Variants in VWA8 observed in about 807,000 individuals in gnomAD.
VWA8 encodes the protein von Willebrand factor A domain containing 8.
Under a neutral mutation model 241.5 loss-of-function variants are expected in VWA8, and 221 were observed. That is an observed-to-expected ratio of 0.91 (90% confidence interval 0.82 to 1.02). The LOEUF (loss-of-function observed/expected upper bound fraction) is 1.02. Ranked by LOEUF, VWA8 falls within the 50% of genes least tolerant of loss-of-function variation. The probability of loss-of-function intolerance (pLI) is 0.00; values close to 1 mark genes in which losing one functional copy is unlikely to be tolerated. For synonymous variants in VWA8, 852 were observed against 827.1 expected (o/e 1.03, Z -0.52); for missense variants, 2,322 against 2,328.7 (o/e 1.00, Z 0.06).
intron 2 of VWA8, among the ~76,000 whole-genome samples, chr13:41,938,162 CAA>C (rs530867788): frequency 1.9e-4 from 19 of 98,076 alleles, no homozygotes; most frequent in Admixed American, 2.1e-4. Context: ...TGGTCTCTTT[CAA>C]AAAAAAAAAA....
At chr13:41,951,593 A>G (rs1223183706) in intron 1 of VWA8, among the ~76,000 whole-genome samples, 2 of 152,222 alleles carry the variant, frequency 1.3e-5, no homozygotes, top group African/African-American at 4.8e-5. Flanking sequence ...TCTAACAGCA[A>G]AATAGGCATG....
At chr13:41,615,510 C>G (rs568684894) in intron 37 of VWA8, among the ~76,000 whole-genome samples, 3 of 152,130 alleles carry the variant, frequency 2.0e-5, no homozygotes, top group African/African-American at 7.2e-5. Context: ...ATTCTGTTTT[C>G]AAAGAAATCC....
intron 37 of VWA8, among the ~76,000 whole-genome samples, chr13:41,615,520 C>T (rs1593651578): frequency 6.6e-6 from 1 of 152,140 alleles, no homozygotes; most frequent in African/African-American, 2.4e-5. Context: ...CAAAGAAATC[C>T]CATTACTCTG....
chr13:41,870,767 G>A (rs556835216), intron 9 of VWA8, among the ~76,000 whole-genome samples: 94 of 152,164 alleles, frequency 6.2e-4, no homozygotes, highest in African/African-American at 2.0e-3. Context: ...CAGGAGTGAC[G>A]TCAGAGGACA....
At chr13:41,689,532 C>G in intron 33 of VWA8, 24 bp from the exon 34 acceptor site, 1 of 1,552,470 alleles carries the variant, frequency 6.4e-7, no homozygotes, top group South Asian at 1.2e-5. Context: ...ACATTAGACA[C>G]CATATGCTCC....
At chr13:41,668,478 GT>G (rs2045001373) in intron 37 of VWA8, among the ~76,000 whole-genome samples, 1 of 152,158 alleles carries the variant, frequency 6.6e-6, no homozygotes, top group African/African-American at 2.4e-5. Flanking sequence ...AAGCTCTGAA[GT>G]TAGGAGCAGA....
chr13:41,879,697 G>A (rs1874078261), intron 9 of VWA8, among the ~76,000 whole-genome samples: 1 of 151,444 alleles, frequency 6.6e-6, no homozygotes, highest in South Asian at 2.1e-4. Context: ...TAAGTAATTA[G>A]AATCCAATGT....
chr13:41,707,820 C>T (rs181856143), intron 26 of VWA8, among the ~76,000 whole-genome samples: 1 of 152,266 alleles, frequency 6.6e-6, no homozygotes, highest in East Asian at 1.9e-4. Flanking sequence ...TGAAATCCTT[C>T]TTATTCCCAA....
intron 20 of VWA8, among the ~76,000 whole-genome samples, chr13:41,775,522 T>C (rs1458582505): frequency 1.3e-5 from 2 of 152,204 alleles, no homozygotes; most frequent in African/African-American, 2.4e-5. Flanking sequence ...CGTGGGGATC[T>C]TCAACTTGAA....
At chr13:41,771,456 A>T (rs1186428147) in intron 20 of VWA8, among the ~76,000 whole-genome samples, 1 of 152,156 alleles carries the variant, frequency 6.6e-6, no homozygotes, top group East Asian at 1.9e-4. Context: ...ATACTTGAAC[A>T]TTTCAGAACA....
chr13:41,832,009 C>A lies in VWA8; in HGVS notation c.1586+1362G>T, dbSNP rs576457186. ...GCAGTGGCGCCATCTCGGCTCACTG[C>A]AACCTCCACCTCCCGGGTTCAAGCA... is the stretch of plus-strand genomic sequence containing the variant. On this transcript the variant is annotated intron_variant, in intron 13 of 44. Coordinates refer to ENST00000379310, the MANE Select transcript of VWA8 (RefSeq NM_015058.2). Among the ~76,000 whole-genome samples, 16 of 151,808 alleles carry A rather than the reference C, an allele frequency of 1.1e-4. No homozygotes were observed. In the East Asian group the frequency reaches 3.1e-3, roughly 29 times the overall value.
chr13:41,957,205 C>T (rs538240016), intron 1 of VWA8, among the ~76,000 whole-genome samples: 41 of 152,272 alleles, frequency 2.7e-4, no homozygotes, highest in Non-Finnish European at 4.7e-4. Flanking sequence ...GTAATTGAAT[C>T]ATGGGGGCAG....
At chr13:41,837,155 A>G (rs896313074) in intron 12 of VWA8, among the ~76,000 whole-genome samples, 28 of 152,292 alleles carry the variant, frequency 1.8e-4, no homozygotes, top group East Asian at 1.5e-3. Flanking sequence ...CCTGGCCTCC[A>G]GCAATCCTCA....
In VWA8 at chr13:41,694,788, A is replaced by G. The variant is rs760251311; in HGVS notation, c.3565-1816T>C. On this transcript the variant is annotated intron_variant, in intron 29 of 44. Transcript: ENST00000379310. ...TAAGAATAAGCAGTTGATTAAACAA[A>G]TATGATCAAGCAGAAAAAGAAGTTA... Among the ~76,000 whole-genome samples, 141 of 152,294 alleles carry G rather than the reference A, an allele frequency of 9.3e-4. 1 individual carries two copies. The highest frequency in any genetic ancestry group is 2.3e-3 in the Admixed American group (35 of 15,292).
chr13:41,724,625 T>C (rs2045418013), intron 24 of VWA8, among the ~76,000 whole-genome samples: 1 of 152,166 alleles, frequency 6.6e-6, no homozygotes, highest in Admixed American at 6.5e-5. Flanking sequence ...CATTTGTTTT[T>C]AATTGCTTTC....
At chr13:41,700,819 A>ATTAAC (rs2045244436) in intron 28 of VWA8, among the ~76,000 whole-genome samples, 1 of 152,236 alleles carries the variant, frequency 6.6e-6, no homozygotes, top group Non-Finnish European at 1.5e-5. Flanking sequence ...TTATCAAGTT[A>ATTAAC]GAGACTCTCT....
At chr13:41,902,361 T>C (rs1211769614) in intron 4 of VWA8, among the ~76,000 whole-genome samples, 2 of 152,214 alleles carry the variant, frequency 1.3e-5, no homozygotes, top group Non-Finnish European at 2.9e-5. Flanking sequence ...CATATGCACA[T>C]AGAAAGAAAT....
intron 37 of VWA8, among the ~76,000 whole-genome samples, chr13:41,646,621 G>A (rs1044687856): frequency 1.3e-5 from 2 of 152,064 alleles, no homozygotes; most frequent in Non-Finnish European, 2.9e-5. Context: ...TATAAACAAT[G>A]AATGTATTCT....
chr13:41,842,834 G>A (rs893914416), intron 12 of VWA8, among the ~76,000 whole-genome samples: 1 of 152,098 alleles, frequency 6.6e-6, no homozygotes, highest in Non-Finnish European at 1.5e-5. Flanking sequence ...CATGAACCAG[G>A]TTCCACCAAG....
Sources: gnomAD v4.1 joint callset for allele counts (sites outside exome capture counted in the v4.1 genomes callset) on GRCh38, gnomAD v4.1.1 for gene constraint, MANE v1.5 for transcripts, NCBI Gene and HGNC (gene_info 2026-07-23, HGNC 2026-07-21) for gene names.